Variants in RPTOR observed in about 807,000 individuals in gnomAD.
RPTOR encodes the protein regulatory-associated protein of mTOR.
Under a neutral mutation model 169.9 loss-of-function variants are expected in RPTOR, and 21 were observed. The ratio of observed to expected loss-of-function variants is 0.12; its 90% CI spans 0.09 to 0.18. RPTOR has a LOEUF of 0.18. RPTOR is among the 10% of genes least tolerant of loss of function. The pLI is 1.00. For missense variants in RPTOR, 1,133 were observed against 1,855.9 expected, an observed-to-expected ratio of 0.61 and a Z score of 7.16; for synonymous variants, 732 against 753.2, an observed-to-expected ratio of 0.97 and a Z score of 0.46.
At chr17:80,874,088 G>A (rs1429417337) in intron 13 of RPTOR, among the ~76,000 whole-genome samples, 2 of 152,294 alleles carry the variant, frequency 1.3e-5, no homozygotes, top group African/African-American at 2.4e-5. Context: ...TTTAGGACAG[G>A]TTTGAAAAAG....
chr17:80,644,102 C>G (rs1438240672), intron 3 of RPTOR, among the ~76,000 whole-genome samples: 1 of 152,194 alleles, frequency 6.6e-6, no homozygotes, highest in Non-Finnish European at 1.5e-5. Context: ...TCGCTCTTAA[C>G]CATGGTTTTA....
rs557145259 is a variant in RPTOR at position 80,861,130 on chromosome 17, T to C, written c.1509+3230T>C. Among the ~76,000 whole-genome samples the C allele has an allele frequency of 1.7e-4, 25 of 145,204 alleles. 1 individual carries two copies. The highest frequency in any genetic ancestry group is 1.5e-3 in the Admixed American group (22 of 14,656). On this transcript the variant is annotated intron_variant, in intron 13 of 33. Transcript: ENST00000306801. This position sits in a 1 kb window ranked among gnomAD's most constrained non-coding sequence, Gnocchi z 4.5. Reference sequence around the variant, plus strand: ...TTGAAAGATTGGCTAAAGCACTGGATTTAAGGTTAAAACCCTGAGTTTGAT... The same window carrying C: ...TTGAAAGATTGGCTAAAGCACTGGACTTAAGGTTAAAACCCTGAGTTTGAT...
At chr17:80,866,776 C>T (rs2067997341) in intron 13 of RPTOR, among the ~76,000 whole-genome samples, 1 of 152,094 alleles carries the variant, frequency 6.6e-6, no homozygotes, top group Non-Finnish European at 1.5e-5. Flanking sequence ...GACTGGGTCT[C>T]ACCACATTGC....
At chr17:80,824,182 C>T (rs371356713) in intron 9 of RPTOR, among the ~76,000 whole-genome samples, 16 of 152,202 alleles carry the variant, frequency 1.1e-4, no homozygotes, top group African/African-American at 1.7e-4. Flanking sequence ...TATTTATATG[C>T]GATAGATCAA....
At chr17:80,631,828 A>G (rs1283583371) in intron 2 of RPTOR, among the ~76,000 whole-genome samples, 2 of 152,048 alleles carry the variant, frequency 1.3e-5, no homozygotes, top group Admixed American at 6.5e-5. Context: ...AGTCCCAGCT[A>G]CTCTGGAGGC....
rs1226992484 is a variant in RPTOR, at chr17:80,820,446, C to T, written c.891-1755C>T. On this transcript the variant is annotated intron_variant, in intron 7 of 33. Coordinates refer to ENST00000306801, the MANE Select transcript of RPTOR (RefSeq NM_020761.3). This position sits in a 1 kb window ranked among gnomAD's most constrained non-coding sequence, Gnocchi z 4.1. ...TGTGTCCCGGGCAGCCACCCCTGTTCGCGCTGGCGCTTGAGGGCTGAGATG... is the reference window on the plus strand; with the variant it reads ...TGTGTCCCGGGCAGCCACCCCTGTTTGCGCTGGCGCTTGAGGGCTGAGATG... Among the ~76,000 whole-genome samples the T allele has an allele frequency of 6.6e-6, 1 of 152,198 alleles. No homozygotes were observed. The highest frequency in any genetic ancestry group is 1.5e-5 in the Non-Finnish European group (1 of 68,036).
intron 2 of RPTOR, among the ~76,000 whole-genome samples, chr17:80,630,745 T>C (rs1215422659): frequency 6.6e-6 from 1 of 152,224 alleles, no homozygotes. Context: ...TCCTCGTGCA[T>C]TAGGGTGGGT....
chr17:80,808,270 T>C (rs1008351392), intron 7 of RPTOR, among the ~76,000 whole-genome samples: 10 of 151,676 alleles, frequency 6.6e-5, no homozygotes, highest in Admixed American at 1.3e-4. Context: ...ACAGAAAAAA[T>C]TAAAATCAGC....
In RPTOR at chr17:80,822,282, G is replaced by A. The variant is rs375226529; in HGVS notation, c.972G>A (p.Ala324=). ...WIFTAITDTI[A]WNVLPRDLFQ... ...TCACAGCCATCACAGACACCATCGC[G>A]TGGAACGTGCTCCCCCGGGGTGAGG... The change falls in exon 8 of 34, where the codon GCG becomes GCA. Residue 324 remains alanine (A), a synonymous_variant. Coordinates refer to ENST00000306801, the MANE Select transcript of RPTOR (RefSeq NM_020761.3). 10 of 1,614,038 alleles carry A rather than the reference G, an allele frequency of 6.2e-6. No homozygotes were observed. In the African/African-American group the frequency reaches 6.7e-5, roughly 11 times the overall value.
intron 11 of RPTOR, among the ~76,000 whole-genome samples, chr17:80,853,398 T>G (rs1479076127): frequency 1.3e-5 from 2 of 152,166 alleles, no homozygotes; most frequent in Non-Finnish European, 2.9e-5. Context: ...CTCCGAGGCC[T>G]GCAGCGAGGC....
intron 20 of RPTOR, among the ~76,000 whole-genome samples, chr17:80,900,778 T>G (rs562924657): frequency 6.6e-6 from 1 of 152,288 alleles, no homozygotes; most frequent in African/African-American, 2.4e-5. Flanking sequence ...GGCCATCAAG[T>G]AAGAATCAAA....
intron 1 of RPTOR, among the ~76,000 whole-genome samples, chr17:80,595,520 A>T (rs953191628): frequency 6.6e-6 from 1 of 152,130 alleles, no homozygotes; most frequent in African/African-American, 2.4e-5. Context: ...CGGTGGCATG[A>T]TCATGGCTCA....
intron 1 of RPTOR, among the ~76,000 whole-genome samples, chr17:80,564,524 G>A (rs2084550978): frequency 2.0e-5 from 3 of 151,242 alleles, no homozygotes; most frequent in African/African-American, 7.3e-5. Context: ...ACATGTGCAG[G>A]TTTGTTATAT....
chr17:80,704,599 A>G (rs9898952), intron 3 of RPTOR, among the ~76,000 whole-genome samples: 35,060 of 151,626 alleles, frequency 0.23, 4,129 homozygotes, highest in East Asian at 0.33. Context: ...CACCACTTCA[A>G]CCTCAGGCAG....
intron 17 of RPTOR, among the ~76,000 whole-genome samples, chr17:80,890,009 G>A (rs1413379251): frequency 6.8e-6 from 1 of 147,596 alleles, no homozygotes; most frequent in East Asian, 2.0e-4. Context: ...GGAGGCCCCC[G>A]TACGCAGCAG....
At chr17:80,933,508 C>T (rs1295427453) in intron 24 of RPTOR, among the ~76,000 whole-genome samples, 1 of 152,186 alleles carries the variant, frequency 6.6e-6, no homozygotes, top group Non-Finnish European at 1.5e-5. Flanking sequence ...ATCACACATT[C>T]ATAGGTCAGA....
intron 13 of RPTOR, among the ~76,000 whole-genome samples, chr17:80,862,663 G>A (rs1418907040): frequency 6.6e-6 from 1 of 151,948 alleles, no homozygotes; most frequent in Non-Finnish European, 1.5e-5. Flanking sequence ...CCGGGGCTCC[G>A]CCCACCATGA....
intron 5 of RPTOR, among the ~76,000 whole-genome samples, chr17:80,740,999 T>C (rs2066477239): frequency 6.6e-6 from 1 of 152,164 alleles, no homozygotes; most frequent in African/African-American, 2.4e-5. Flanking sequence ...CTCGCGCCAC[T>C]AGGGTGGCAG....
At chr17:80,952,221 G>T (rs2069188059) in intron 28 of RPTOR, among the ~76,000 whole-genome samples, 1 of 152,242 alleles carries the variant, frequency 6.6e-6, no homozygotes, top group Admixed American at 6.5e-5. Context: ...GCATTTGATA[G>T]ATTAATGGTA....
Sources: gnomAD v4.1 joint callset for allele counts (sites outside exome capture counted in the v4.1 genomes callset) on GRCh38, gnomAD v4.1.1 for gene constraint, Gnocchi (gnomAD v3.1) non-coding constraint, MANE v1.5 for transcripts, NCBI Gene and HGNC (gene_info 2026-07-23, HGNC 2026-07-21) for gene names.